Variants in TBK1 observed in about 807,000 individuals in gnomAD.
The protein encoded by TBK1 is TANK binding kinase 1, also known as serine/threonine-protein kinase TBK1.
In TBK1, 37 loss-of-function variants were observed where a neutral mutation model predicts 99.9. That is an observed-to-expected ratio of 0.37 (90% CI 0.28 to 0.49). The LOEUF (loss-of-function observed/expected upper bound fraction) is 0.49, where lower values mean the gene tolerates loss of function less well. Ranked by LOEUF, TBK1 falls within the 20% of genes least tolerant of loss-of-function variation. The probability of loss-of-function intolerance (pLI) is 0.98; values close to 1 mark genes in which losing one functional copy is unlikely to be tolerated. For synonymous variants in TBK1, 258 were observed against 279.8 expected, an observed-to-expected ratio of 0.92 and a Z score of 0.78; for missense variants, 644 against 872.5, an observed-to-expected ratio of 0.74 and a Z score of 3.30.
intron 1 of TBK1, among the ~76,000 whole-genome samples, chr12:64,454,590 T>C (rs1387624544): frequency 6.6e-6 from 1 of 151,856 alleles, no homozygotes; most frequent in African/African-American, 2.4e-5. Context: ...GTGAATTAAA[T>C]TGAATGTATG....
chr12:64,459,845 C>T (rs145327033), intron 2 of TBK1, among the ~76,000 whole-genome samples: 133 of 152,240 alleles, frequency 8.7e-4, no homozygotes, highest in Non-Finnish European at 1.6e-3. Context: ...CTTTCTATTT[C>T]GTCTTTAAAA....
intron 6 of TBK1, among the ~76,000 whole-genome samples, chr12:64,478,603 T>TG (rs1178150727): frequency 6.6e-6 from 1 of 152,242 alleles, no homozygotes; most frequent in Non-Finnish European, 1.5e-5. Context: ...GATGGTACAA[T>TG]GACTTTTTCT....
intron 20 of TBK1, 68 bp from the exon 21 acceptor site, chr12:64,501,262 G>C: frequency 6.9e-7 from 1 of 1,447,974 alleles, no homozygotes; most frequent in Non-Finnish European, 9.6e-7. Flanking sequence ...AGTATTTTAA[G>C]GTTGGGGGCC....
At chr12:64,496,224 C>A in intron 15 of TBK1, 143 bp from the exon 16 acceptor site, 2 of 384,854 alleles carry the variant, frequency 5.2e-6, no homozygotes, top group Non-Finnish European at 9.7e-6. Context: ...CATCTGTGGG[C>A]CATAAGTAAC....
chr12:64,461,258 G>A (rs1483327835), intron 3 of TBK1, among the ~76,000 whole-genome samples: 1 of 151,846 alleles, frequency 6.6e-6, no homozygotes, highest in Non-Finnish European at 1.5e-5. Context: ...AAAATTTCAA[G>A]AGTCCTACAG....
intron 16 of TBK1, 136 bp from the exon 17 acceptor site, chr12:64,496,813 T>A (rs1287261587): frequency 8.1e-6 from 5 of 620,952 alleles, no homozygotes; most frequent in Non-Finnish European, 1.4e-5. Flanking sequence ...TAGAAACGTT[T>A]ACTTTCTCCT....
chr12:64,484,627 C>G (rs1168934396), intron 9 of TBK1, 128 bp downstream of exon 9: 2 of 838,028 alleles, frequency 2.4e-6, no homozygotes, highest in Non-Finnish European at 3.5e-6. Context: ...TGGCTTGCAC[C>G]TGTAGTCCCA....
chr12:64,486,317 T>A (rs1592370022), intron 11 of TBK1, among the ~76,000 whole-genome samples: 1 of 152,348 alleles, frequency 6.6e-6, no homozygotes, highest in Middle Eastern at 3.4e-3. Flanking sequence ...ATGTTAGAAG[T>A]CTTTGGCTTG....
chr12:64,478,106 T>G (rs565939007), intron 6 of TBK1, among the ~76,000 whole-genome samples: 2 of 152,360 alleles, frequency 1.3e-5, no homozygotes, highest in Non-Finnish European at 2.9e-5. Context: ...CTTTTAGGTC[T>G]TAACATATTT....
At chr12:64,475,405 T>C (rs1430262877) in intron 6 of TBK1, among the ~76,000 whole-genome samples, 2 of 152,168 alleles carry the variant, frequency 1.3e-5, no homozygotes, top group East Asian at 3.9e-4. Flanking sequence ...TAAGAAGTGT[T>C]CAGCCCTTGT....
In TBK1 at chr12:64,495,527, C is replaced by T. The variant is rs375618295; in HGVS notation, c.1566C>T (p.Ile522=). Residue 522 remains isoleucine, a synonymous_variant, in exon 14 of 21, where the codon ATC becomes ATT. Transcript: ENST00000331710. The part of the protein sequence containing the change: ...QGTIETSLQD[I]DSRLSPGGSL... ...CAATAGAAACCAGTCTTCAGGATAT[C>T]GACAGCAGATTATCTCCAGGTGGAT... 49 of 1,613,864 alleles carry T rather than the reference C, an allele frequency of 3.0e-5. No homozygotes were observed. Among genetic ancestry groups the T allele is most frequent in the South Asian group, 1.5e-4 (14 of 91,072 alleles).
intron 5 of TBK1, among the ~76,000 whole-genome samples, chr12:64,468,956 ACCTACTGCATCAGTCTAG>A (rs1370803370): frequency 2.0e-5 from 3 of 151,958 alleles, no homozygotes; most frequent in South Asian, 2.1e-4. Flanking sequence ...CTTGCTGAGA[ACCTACTGCATCAGTCTAG>A]CCTACTGCAT....
chr12:64,454,670 A>ATTTTTTTTTT (rs1565809913), intron 1 of TBK1, among the ~76,000 whole-genome samples: 1 of 101,798 alleles, frequency 9.8e-6, no homozygotes, highest in Non-Finnish European at 1.9e-5. Context: ...AGAAACTCAG[A>ATTTTTTTTTT]TCTTTTTTTT....
intron 2 of TBK1, among the ~76,000 whole-genome samples, chr12:64,459,454 G>A (rs1168356159): frequency 6.6e-6 from 1 of 152,228 alleles, no homozygotes; most frequent in Non-Finnish European, 1.5e-5. Flanking sequence ...AATTTTGTGT[G>A]TGATGTAGGT....
chr12:64,481,341 A>G (rs2040766008), intron 7 of TBK1, among the ~76,000 whole-genome samples: 1 of 152,216 alleles, frequency 6.6e-6, no homozygotes. Flanking sequence ...AGTCTTTAGC[A>G]TACCAAGTTA....
chr12:64,456,852 A>G (rs1265837686), intron 2 of TBK1, among the ~76,000 whole-genome samples: 1 of 152,004 alleles, frequency 6.6e-6, no homozygotes, highest in East Asian at 1.9e-4. Flanking sequence ...AAAAAAAAAA[A>G]AAAGGATTTT....
chr12:64,473,855 C>T lies in TBK1; in HGVS notation c.541-375C>T, dbSNP rs184185733. On this transcript the variant is annotated intron_variant, in intron 5 of 20. Transcript: ENST00000331710. The stretch of plus-strand genomic sequence containing the variant: ...AGGAGGCTGATGCAGGAGAATCACT[C>T]GAACCCGGGAAGCAGAGGTTGCAGT... Among the ~76,000 whole-genome samples, 85 of 152,092 alleles carry T rather than the reference C, an allele frequency of 5.6e-4. No homozygotes were observed. In the Middle Eastern group the frequency reaches 0.01, roughly 18 times the overall value.
intron 4 of TBK1, among the ~76,000 whole-genome samples, chr12:64,465,242 C>CAAAAAAAAAAAAAAAAAAAAA (rs57575805): frequency 1.7e-5 from 1 of 57,918 alleles, no homozygotes; most frequent in Non-Finnish European, 2.9e-5. Flanking sequence ...AAGACTATCT[C>CAAAAAAAAAAAAAAAAAAAAA]AAAAAAAAAA....
chr12:64,493,486 G>T (rs985255056), intron 13 of TBK1, among the ~76,000 whole-genome samples: 2 of 152,042 alleles, frequency 1.3e-5, no homozygotes, highest in Non-Finnish European at 2.9e-5. Context: ...AATTAGCCGG[G>T]CGTAGTGGCA....
Sources: gnomAD v4.1 joint callset for allele counts (sites outside exome capture counted in the v4.1 genomes callset) on GRCh38, gnomAD v4.1.1 for gene constraint, MANE v1.5 for transcripts, NCBI Gene and HGNC (gene_info 2026-07-23, HGNC 2026-07-21) for gene names.